The following EPC2 variants were observed in gnomAD, a reference collection of about 807,000 sequenced individuals.
EPC2 encodes the protein enhancer of polycomb 2, also known as enhancer of polycomb homolog 2.
In EPC2, 14 loss-of-function variants were observed where a neutral mutation model predicts 92.1. That is an observed-to-expected ratio of 0.15 (90% CI 0.10 to 0.24). The LOEUF (loss-of-function observed/expected upper bound fraction) is 0.24, where lower values mean the gene tolerates loss of function less well. Among genes scored for constraint, EPC2 ranks in the 10% least tolerant of loss-of-function variants. The pLI is 1.00. For synonymous variants in EPC2, 340 were observed against 334.7 expected (o/e 1.02, Z -0.17); for missense variants, 755 against 971.5 (o/e 0.78, Z 2.96).
At chr2:148,772,639 G>T (rs1368592563) in intron 10 of EPC2, among the ~76,000 whole-genome samples, 1 of 152,086 alleles carries the variant, frequency 6.6e-6, no homozygotes, top group South Asian at 2.1e-4. Flanking sequence ...TATCCAAATT[G>T]GTTGGTTAAT....
chr2:148,744,661 G>A (rs1375314349), intron 3 of EPC2, among the ~76,000 whole-genome samples: 2 of 152,030 alleles, frequency 1.3e-5, no homozygotes, highest in Admixed American at 6.6e-5. Context: ...TGATTTTTAT[G>A]TTCTTTATCC....
intron 1 of EPC2, among the ~76,000 whole-genome samples, chr2:148,666,557 A>C (rs1238584468): frequency 6.6e-6 from 1 of 152,378 alleles, no homozygotes; most frequent in Non-Finnish European, 1.5e-5. Context: ...CACTTTTAAA[A>C]TTATTAGTTT....
At chr2:148,661,003 A>G (rs960619197) in intron 1 of EPC2, among the ~76,000 whole-genome samples, 2 of 152,008 alleles carry the variant, frequency 1.3e-5, no homozygotes, top group African/African-American at 4.8e-5. Flanking sequence ...AGAGCTAGTC[A>G]CTTCCCCTTA....
chr2:148,776,899 C>A (rs1250210416), intron 10 of EPC2, among the ~76,000 whole-genome samples: 2 of 138,614 alleles, frequency 1.4e-5, no homozygotes, highest in African/African-American at 5.3e-5. Context: ...CTTGTTCTCT[C>A]GCCCACACTG....
intron 1 of EPC2, among the ~76,000 whole-genome samples, chr2:148,658,754 A>G (rs1680869775): frequency 6.6e-6 from 1 of 151,922 alleles, no homozygotes; most frequent in Admixed American, 6.6e-5. Context: ...TACTTAATTC[A>G]GCGACATGGG....
chr2:148,731,152 T>C (rs1240971757), intron 2 of EPC2, among the ~76,000 whole-genome samples: 1 of 152,192 alleles, frequency 6.6e-6, no homozygotes, highest in Non-Finnish European at 1.5e-5. Context: ...GTACTTGAGG[T>C]ACAGTCAGTG....
intron 2 of EPC2, among the ~76,000 whole-genome samples, chr2:148,734,490 CCT>C (rs1682711625): frequency 6.6e-6 from 1 of 151,954 alleles, no homozygotes; most frequent in Non-Finnish European, 1.5e-5. Flanking sequence ...ATTAAAAAGA[CCT>C]ATAAAATTCT....
intron 6 of EPC2, 126 bp downstream of exon 6, chr2:148,762,928 C>T: frequency 9.8e-7 from 1 of 1,024,000 alleles, no homozygotes; most frequent in East Asian, 2.7e-5. Context: ...TAGTTCTTAC[C>T]ATGAGCCAAG....
rs929810906 is a variant in EPC2 at position 148,783,819 on chromosome 2, T to C, written c.2017+63T>C. 4 of 1,489,148 alleles carry C rather than the reference T, an allele frequency of 2.7e-6. No individual in the cohort carries two copies. The Admixed American group carries it at 8.5e-5, about 32-fold the overall frequency. 92.2% of individuals were successfully genotyped at this position (1,489,148 alleles called of 1,614,324 possible). On this transcript the variant is annotated intron_variant, in intron 12 of 13. Transcript: ENST00000258484. ...AGTTGTAACTCAGTGATTGGGAGTT[T>C]GTTTTTTGTTTTTTTATCCAAGGGG...
At chr2:148,713,839 C>T (rs1425480612) in intron 2 of EPC2, among the ~76,000 whole-genome samples, 1 of 152,168 alleles carries the variant, frequency 6.6e-6, no homozygotes, top group Admixed American at 6.5e-5. Context: ...TGTGTAGGTA[C>T]ACTCTGTGAT....
intron 2 of EPC2, among the ~76,000 whole-genome samples, chr2:148,726,210 G>A (rs1682491147): frequency 6.6e-6 from 1 of 152,066 alleles, no homozygotes; most frequent in African/African-American, 2.4e-5. Context: ...TGGACATTTG[G>A]GTTGCTTCCA....
At chr2:148,701,356 C>T (rs530208075) in intron 2 of EPC2, among the ~76,000 whole-genome samples, 3 of 152,224 alleles carry the variant, frequency 2.0e-5, no homozygotes, top group South Asian at 4.1e-4. Flanking sequence ...AGTAGGAAAG[C>T]GTCTGGTTTC....
At chr2:148,691,449 C>T (rs940108209) in intron 2 of EPC2, 2 of 1,434,008 alleles carry the variant, frequency 1.4e-6, no homozygotes, top group Non-Finnish European at 1.9e-6. Flanking sequence ...AAAGAGTTCC[C>T]TGTGTGATTC....
At chr2:148,757,857 A>G (rs1683221726) in intron 4 of EPC2, among the ~76,000 whole-genome samples, 1 of 151,870 alleles carries the variant, frequency 6.6e-6, no homozygotes, top group East Asian at 1.9e-4. Context: ...AATAAAATAT[A>G]TAAAATAAAA....
intron 1 of EPC2, among the ~76,000 whole-genome samples, chr2:148,662,359 C>T (rs1680954740): frequency 6.6e-6 from 1 of 152,186 alleles, no homozygotes. Flanking sequence ...TATAAAGACA[C>T]ATGGAGATGT....
chr2:148,765,725 T>C (rs894318745), intron 7 of EPC2, among the ~76,000 whole-genome samples: 2 of 152,332 alleles, frequency 1.3e-5, no homozygotes, highest in South Asian at 2.1e-4. Context: ...GTTTTTAAAA[T>C]AAGACTTTTA....
intron 2 of EPC2, among the ~76,000 whole-genome samples, chr2:148,710,846 T>C (rs1038602968): frequency 4.0e-5 from 6 of 151,750 alleles, no homozygotes; most frequent in Non-Finnish European, 7.4e-5. Context: ...GGGCCTGTTG[T>C]GGGTTGGGGG....
chr2:148,763,800 A>G (rs1046647296), intron 6 of EPC2, among the ~76,000 whole-genome samples: 5 of 152,202 alleles, frequency 3.3e-5, no homozygotes, highest in South Asian at 2.1e-4. Flanking sequence ...TTAAAAATCC[A>G]TTTTGTGTCA....
intron 10 of EPC2, among the ~76,000 whole-genome samples, chr2:148,774,928 A>G (rs1250556124): frequency 6.6e-6 from 1 of 151,588 alleles, no homozygotes; most frequent in Non-Finnish European, 1.5e-5. Context: ...TCTACTAAAA[A>G]TACAAAAAAA....
Sources: gnomAD v4.1 joint callset for allele counts (sites outside exome capture counted in the v4.1 genomes callset) on GRCh38, gnomAD v4.1.1 for gene constraint, MANE v1.5 for transcripts, NCBI Gene and HGNC (gene_info 2026-07-23, HGNC 2026-07-21) for gene names.